The following RHEX variants were observed in gnomAD, a reference collection of about 807,000 sequenced individuals.
RHEX encodes regulator of hemoglobinization and erythroid cell expansion.
RHEX carries 18 observed loss-of-function variants against 20.1 expected under a neutral mutation model. The observed-to-expected ratio is 0.90, with a 90% CI of 0.62 to 1.33. The LOEUF (loss-of-function observed/expected upper bound fraction) is 1.33. Ranked by LOEUF, RHEX falls within the 40% of genes most tolerant of loss-of-function variation. The pLI, the probability that RHEX is intolerant of heterozygous loss-of-function variation, is 0.00. For synonymous variants in RHEX, 87 were observed against 77.1 expected (o/e 1.13, Z -0.67); for missense variants, 192 against 214.3 (o/e 0.90, Z 0.65).
At chr1:206,091,382 A>T (rs1662946740) in intron 1 of RHEX, among the ~76,000 whole-genome samples, 1 of 152,158 alleles carries the variant, frequency 6.6e-6, no homozygotes, top group African/African-American at 2.4e-5. Context: ...CTGCAAAATA[A>T]TTTACCATTT....
intron 4 of RHEX, 94 bp downstream of exon 4, chr1:206,099,892 A>C (rs1571875751): frequency 3.4e-6 from 4 of 1,161,978 alleles, no homozygotes; most frequent in Non-Finnish European, 5.0e-6. Context: ...ATGGGCCCAA[A>C]CCTCTAGCCT....
intron 1 of RHEX, among the ~76,000 whole-genome samples, chr1:206,093,259 A>G (rs1462226385): frequency 6.6e-6 from 1 of 152,020 alleles, no homozygotes. Context: ...ACTTTGATCC[A>G]TATGATTTTT....
intron 1 of RHEX, among the ~76,000 whole-genome samples, chr1:206,074,740 T>G (rs1441430612): frequency 6.6e-6 from 1 of 152,188 alleles, no homozygotes; most frequent in Non-Finnish European, 1.5e-5. Flanking sequence ...ACTTTTTGGG[T>G]GCTGACATGA....
chr1:206,064,013 T>C (rs1204128668), intron 1 of RHEX, among the ~76,000 whole-genome samples: 1 of 144,918 alleles, frequency 6.9e-6, no homozygotes, highest in Middle Eastern at 3.8e-3. Flanking sequence ...CCGCCCATCG[T>C]CTGAGATGTG....
chr1:206,094,202 C>T (rs1015760907), intron 1 of RHEX, among the ~76,000 whole-genome samples: 2 of 144,364 alleles, frequency 1.4e-5, no homozygotes, highest in Non-Finnish European at 3.0e-5. Context: ...GTGTGTGTCA[C>T]GTGCACGCGC....
At chr1:206,071,546 C>CAAAAAAAA (rs35408708) in intron 1 of RHEX, among the ~76,000 whole-genome samples, 1 of 95,894 alleles carries the variant, frequency 1.0e-5, no homozygotes. Flanking sequence ...GTTGAAAATG[C>CAAAAAAAA]AAAAAAAAAA....
rs889158077 is a variant in RHEX at position 206,093,460 on chromosome 1, G to A, written c.-96-4273G>A. 8.6e-5 allele frequency among the ~76,000 whole-genome samples: 13 copies of A among 151,950 alleles called. No individual in the cohort carries two copies. In the East Asian group the frequency reaches 1.9e-3, roughly 23 times the overall value. On this transcript the variant is annotated intron_variant, in intron 1 of 5. Coordinates refer to ENST00000331555, the MANE Select transcript of RHEX (RefSeq NM_001007544.4). ...TAATTTTTGTATTTTTAGTAGAGAC[G>A]GGGTTTCACCATCTTGGCCAGGCTG...
At chr1:206,083,384 ACTGT>A in intron 1 of RHEX, 1 of 363,776 alleles carries the variant, frequency 2.7e-6, no homozygotes, top group Non-Finnish European at 3.8e-6. Flanking sequence ...ATCTACACAA[ACTGT>A]CTGTACCAGG....
At chr1:206,071,546 C>CAAAAA (rs35408708) in intron 1 of RHEX, among the ~76,000 whole-genome samples, 1 of 95,894 alleles carries the variant, frequency 1.0e-5, no homozygotes, top group African/African-American at 3.4e-5. Context: ...GTTGAAAATG[C>CAAAAA]AAAAAAAAAA....
intron 1 of RHEX, among the ~76,000 whole-genome samples, chr1:206,074,023 C>T (rs536734177): frequency 6.6e-6 from 1 of 152,158 alleles, no homozygotes; most frequent in Non-Finnish European, 1.5e-5. Context: ...CTCACTGCCT[C>T]GTACCCGCTC....
chr1:206,098,469 G>A (rs553427846), intron 3 of RHEX: 1 of 368,806 alleles, frequency 2.7e-6, no homozygotes, highest in South Asian at 4.8e-5. Flanking sequence ...TGCCTACGAG[G>A]AAGTGCTCGT....
At chr1:206,072,547 G>T (rs943769965) in intron 1 of RHEX, among the ~76,000 whole-genome samples, 2 of 152,180 alleles carry the variant, frequency 1.3e-5, no homozygotes, top group African/African-American at 4.8e-5. Flanking sequence ...CTGCACTCCA[G>T]CCTGGGCAAC....
intron 3 of RHEX, 38 bp downstream of exon 3, chr1:206,098,219 T>C (rs1553287989): frequency 7.1e-7 from 1 of 1,412,680 alleles, no homozygotes; most frequent in Non-Finnish European, 1.0e-6. Context: ...CTAGTCACTC[T>C]CAGAGACCAT....
intron 1 of RHEX, chr1:206,061,168 T>C (rs1461071499): frequency 1.3e-5 from 2 of 152,184 alleles, no homozygotes; most frequent in Non-Finnish European, 2.9e-5. Context: ...TTATAAATTA[T>C]AAAGCGTACT....
In RHEX at chr1:206,086,247, G is replaced by A. The variant is rs143425996; in HGVS notation, c.-96-11486G>A. Among the ~76,000 whole-genome samples, 123 of 152,300 alleles carry A rather than the reference G, an allele frequency of 8.1e-4. 1 individual carries two copies. The East Asian group carries it at 0.022, about 27-fold the overall frequency. ...TTCTTACAAGGCCTTATGGAAATGG[G>A]TGTGTTTATACATTTAAGACAATTT... On this transcript the variant is annotated intron_variant, in intron 1 of 5. Transcript: ENST00000331555.
chr1:206,080,800 C>A (rs775962918), intron 1 of RHEX, among the ~76,000 whole-genome samples: 1 of 152,100 alleles, frequency 6.6e-6, no homozygotes, highest in Non-Finnish European at 1.5e-5. Context: ...TGAGCAGGAG[C>A]AGGCAAAGTG....
At chr1:206,073,082 C>T (rs1177126357) in intron 1 of RHEX, among the ~76,000 whole-genome samples, 1 of 152,118 alleles carries the variant, frequency 6.6e-6, no homozygotes, top group Non-Finnish European at 1.5e-5. Context: ...AAGCAATCCA[C>T]CTACCTTGGC....
chr1:206,087,094 A>G (rs1662855171), intron 1 of RHEX, among the ~76,000 whole-genome samples: 1 of 152,212 alleles, frequency 6.6e-6, no homozygotes, highest in African/African-American at 2.4e-5. Context: ...ACTCACAGCT[A>G]GGAAGGCCAT....
intron 4 of RHEX, among the ~76,000 whole-genome samples, chr1:206,100,505 C>A (rs1440214266): frequency 6.6e-6 from 1 of 152,156 alleles, no homozygotes; most frequent in Non-Finnish European, 1.5e-5. Context: ...CCTGTGGGGA[C>A]CTGAGGGTGC....
Sources: gnomAD v4.1 joint callset for allele counts (sites outside exome capture counted in the v4.1 genomes callset) on GRCh38, gnomAD v4.1.1 for gene constraint, MANE v1.5 for transcripts, NCBI Gene and HGNC (gene_info 2026-07-23, HGNC 2026-07-21) for gene names.